JAKMIP3: variants seen among roughly 807,000 people sequenced by gnomAD.
JAKMIP3 encodes Janus kinase and microtubule interacting protein 3.
Under a neutral mutation model 118.5 loss-of-function variants are expected in JAKMIP3, and 58 were observed. The observed-to-expected ratio is 0.49, with a 90% CI of 0.40 to 0.61. JAKMIP3 has a LOEUF of 0.61. Among genes scored for constraint, JAKMIP3 ranks in the 20% least tolerant of loss-of-function variants. JAKMIP3 has a pLI of 0.00. For synonymous variants in JAKMIP3, 486 were observed against 451.2 expected (o/e 1.08, Z -0.98); for missense variants, 950 against 1,109.0 (o/e 0.86, Z 2.04).
At chr10:132,076,950 G>A (rs1260555946) in intron 1 of JAKMIP3, among the ~76,000 whole-genome samples, 3 of 151,626 alleles carry the variant, frequency 2.0e-5, no homozygotes, top group Non-Finnish European at 2.9e-5. Flanking sequence ...GCTGGCCTGC[G>A]GTGGCCCCGG....
Position 132,094,978 on chromosome 10 carries a change from T to C in JAKMIP3, c.-137-9694T>C, listed in dbSNP as rs558872353. On this transcript the variant is annotated intron_variant, in intron 1 of 23. Transcript: ENST00000684848. ...TACCTACGAGAATTATGGCTGCCTC[T>C]GCTGAGTCATGCAGGTTGTCAAGGA... Among the ~76,000 whole-genome samples the C allele has an allele frequency of 6.6e-5, 10 of 152,248 alleles. No individual in the cohort carries two copies. In the East Asian group the frequency reaches 1.9e-3, roughly 29 times the overall value.
At chr10:132,101,034 C>T (rs1026324927) in intron 1 of JAKMIP3, among the ~76,000 whole-genome samples, 12 of 152,188 alleles carry the variant, frequency 7.9e-5, no homozygotes, top group Non-Finnish European at 1.5e-4. Flanking sequence ...AGAAAAATAT[C>T]AACTCTGCCT....
rs528544521 is a variant in JAKMIP3, at chr10:132,139,728, AG to A, written c.1345-719del. Among the ~76,000 whole-genome samples, 10 of 152,350 alleles carry A rather than the reference AG, an allele frequency of 6.6e-5. No homozygotes were observed. In the South Asian group the frequency reaches 1.2e-3, roughly 19 times the overall value. ...CAGGGTGTGGGGAGGCACACAGGACAGGGGCCAGTGGTTGGCGGGGAGTAGG... is the reference window on the plus strand; with the variant it reads ...CAGGGTGTGGGGAGGCACACAGGACAGGGCCAGTGGTTGGCGGGGAGTAGG... On this transcript the variant is annotated intron_variant, in intron 9 of 23. Transcript: ENST00000684848.
chr10:132,123,349 G>A (rs931437915), intron 3 of JAKMIP3, among the ~76,000 whole-genome samples: 2 of 152,192 alleles, frequency 1.3e-5, no homozygotes, highest in African/African-American at 2.4e-5. Flanking sequence ...TTCAGACGTT[G>A]TTAAAGACTC....
chr10:132,177,469 C>G (rs1167015334), intron 23 of JAKMIP3, among the ~76,000 whole-genome samples: 3 of 150,878 alleles, frequency 2.0e-5, no homozygotes, highest in African/African-American at 7.3e-5. Flanking sequence ...TGTGTGTGTG[C>G]ACACTGTGCA....
At chr10:132,077,051 C>T (rs983370464) in intron 1 of JAKMIP3, among the ~76,000 whole-genome samples, 4 of 152,198 alleles carry the variant, frequency 2.6e-5, no homozygotes, top group Non-Finnish European at 5.9e-5. Flanking sequence ...GGTGGCCACA[C>T]TGTCTTCAGG....
At chr10:132,092,167 T>C (rs1239101889) in intron 1 of JAKMIP3, among the ~76,000 whole-genome samples, 3 of 152,160 alleles carry the variant, frequency 2.0e-5, no homozygotes, top group Non-Finnish European at 4.4e-5. Flanking sequence ...CCTTTGTGGG[T>C]AACCCGACCT....
chr10:132,063,021 G>A (rs925959878), upstream of JAKMIP3, among the ~76,000 whole-genome samples: 5 of 152,292 alleles, frequency 3.3e-5, no homozygotes, highest in South Asian at 2.1e-4. Flanking sequence ...AGAGGCCCCC[G>A]AGGAATTGTA....
chr10:132,139,210 G>GTGTA (rs1554946297), intron 9 of JAKMIP3, among the ~76,000 whole-genome samples: 1 of 105,522 alleles, frequency 9.5e-6, no homozygotes, highest in East Asian at 3.0e-4. Context: ...GTGTGTGTGT[G>GTGTA]TATGTGTGTA....
At chr10:132,095,229 G>A (rs979983580) in intron 1 of JAKMIP3, among the ~76,000 whole-genome samples, 2 of 152,178 alleles carry the variant, frequency 1.3e-5, no homozygotes, top group African/African-American at 4.8e-5. Context: ...CCTCCCCCAA[G>A]TTCTGGCCAG....
chr10:132,095,425 C>T (rs779732437), intron 1 of JAKMIP3, among the ~76,000 whole-genome samples: 10 of 152,214 alleles, frequency 6.6e-5, no homozygotes, highest in Non-Finnish European at 8.8e-5. Context: ...CCCTGTATTT[C>T]GCTCGACTCA....
chr10:132,151,314 T>C (rs902383937), intron 16 of JAKMIP3, among the ~76,000 whole-genome samples: 1 of 152,202 alleles, frequency 6.6e-6, no homozygotes, highest in Non-Finnish European at 1.5e-5. Flanking sequence ...CATCCATCTA[T>C]CCATCCCTCA....
chr10:132,172,985 CTCTCTCTCT>C (rs2059669937), intron 23 of JAKMIP3, among the ~76,000 whole-genome samples: 1 of 82,830 alleles, frequency 1.2e-5, no homozygotes, highest in Non-Finnish European at 2.7e-5. Flanking sequence ...CCTTCCCTCT[CTCTCTCTCT>C]CCTTCCCTCT....
In JAKMIP3 at chr10:132,079,841, A is replaced by G. The variant is rs551127332; in HGVS notation, c.-138+13780A>G. 5.3e-5 allele frequency among the ~76,000 whole-genome samples: 8 copies of G among 152,210 alleles called. No homozygotes were observed. In the South Asian group the frequency reaches 1.4e-3, roughly 28 times the overall value. On this transcript the variant is annotated intron_variant, in intron 1 of 23. Transcript: ENST00000684848. ...CCTCCGTGTTGCGGCACGTATCAGA[A>G]TTTTCTTCCTTCTTAAGGCTGAATC...
At chr10:132,145,616 C>T (rs372207623) in intron 13 of JAKMIP3, 36 bp downstream of exon 13, 123 of 1,526,838 alleles carry the variant, frequency 8.1e-5, no homozygotes, top group Middle Eastern at 1.9e-4. Context: ...TGGCAGGACT[C>T]GCTCTATGCT....
intron 16 of JAKMIP3, among the ~76,000 whole-genome samples, chr10:132,150,344 C>T (rs1296299324): frequency 6.6e-6 from 1 of 152,164 alleles, no homozygotes; most frequent in African/African-American, 2.4e-5. Flanking sequence ...GGCTGTTGCT[C>T]TTAGACAAAC....
chr10:132,179,332 T>C lies in JAKMIP3; in HGVS notation c.*1104-3025T>C, dbSNP rs2060477746. 6.6e-6 allele frequency among the ~76,000 whole-genome samples: 1 copy of C among 152,066 alleles called. No homozygotes were observed. The highest frequency in any genetic ancestry group is 2.1e-4 in the South Asian group (1 of 4,828). On this transcript the variant is annotated intron_variant, in intron 23 of 23. Transcript: ENST00000684848. This position sits in a 1 kb window ranked among gnomAD's most constrained non-coding sequence, Gnocchi z 4.3. ...TTGGGCTCCCCGGGCTCTGAGCTGGTTGGGGCTCCACCTGCACTATGCCTG... is the reference window on the plus strand; with the variant it reads ...TTGGGCTCCCCGGGCTCTGAGCTGGCTGGGGCTCCACCTGCACTATGCCTG...
In JAKMIP3 at chr10:132,135,204, G is replaced by A. The variant is rs200565457; in HGVS notation, c.969+44G>A. ...TTCTGGCTCCTGGGGGTTTGTGACT[G>A]CGGAGCTGGGGACCTGGGGGGCATC... On this transcript the variant is annotated intron_variant, in intron 5 of 23. Transcript: ENST00000684848. 1.4e-3 allele frequency: 2,182 copies of A among 1,562,640 alleles called. 3 individuals are homozygous for A. The highest frequency in any genetic ancestry group is 1.6e-3 in the Non-Finnish European group (1,807 of 1,148,010).
chr10:132,177,140 G>A (rs538407611), intron 23 of JAKMIP3, among the ~76,000 whole-genome samples: 5 of 152,300 alleles, frequency 3.3e-5, no homozygotes, highest in South Asian at 4.1e-4. Context: ...TACAGCCTGC[G>A]GGCCAGCTGT....
Sources: gnomAD v4.1 joint callset for allele counts (sites outside exome capture counted in the v4.1 genomes callset) on GRCh38, gnomAD v4.1.1 for gene constraint, Gnocchi (gnomAD v3.1) non-coding constraint, MANE v1.5 for transcripts, NCBI Gene and HGNC (gene_info 2026-07-23, HGNC 2026-07-21) for gene names.